POLDIP3: variants seen among roughly 807,000 people sequenced by gnomAD.
POLDIP3 encodes the protein polymerase delta-interacting protein 3.
In POLDIP3, 14 loss-of-function variants were observed where a neutral mutation model predicts 45.1. That is an observed-to-expected ratio of 0.31 (90% CI 0.20 to 0.49). The LOEUF (loss-of-function observed/expected upper bound fraction) is 0.49, where lower values mean the gene tolerates loss of function less well. Among genes scored for constraint, POLDIP3 ranks in the 20% least tolerant of loss-of-function variants. The probability of loss-of-function intolerance (pLI) is 0.99; values close to 1 mark genes in which losing one functional copy is unlikely to be tolerated. For synonymous variants in POLDIP3, 223 were observed against 205.2 expected, an observed-to-expected ratio of 1.09 and a Z score of -0.74; for missense variants, 511 against 538.8, an observed-to-expected ratio of 0.95 and a Z score of 0.51.
intron 6 of POLDIP3, among the ~76,000 whole-genome samples, chr22:42,593,914 A>C (rs536686978): frequency 1.7e-3 from 256 of 152,348 alleles, no homozygotes; most frequent in African/African-American, 6.0e-3. Context: ...TCCCTGCTAA[A>C]GGAGAAGGAG....
chr22:42,586,176 CT>C (rs1925298665), intron 8 of POLDIP3, among the ~76,000 whole-genome samples: 1 of 152,162 alleles, frequency 6.6e-6, no homozygotes, highest in African/African-American at 2.4e-5. Context: ...CTGCCACAGC[CT>C]CCTAAGGAGC....
chr22:42,587,246 C>G (rs1925367586), intron 8 of POLDIP3, among the ~76,000 whole-genome samples: 1 of 152,198 alleles, frequency 6.6e-6, no homozygotes, highest in African/African-American at 2.4e-5. Context: ...GCCTCCCCCT[C>G]CAACTTCCAC....
intron 1 of POLDIP3, among the ~76,000 whole-genome samples, chr22:42,614,474 C>T (rs1927338800): frequency 1.3e-5 from 2 of 152,334 alleles, no homozygotes; most frequent in South Asian, 2.1e-4. Flanking sequence ...CCAGTCCACA[C>T]AGGCAAGGAG....
At chr22:42,589,033 G>A (rs1381085443) in intron 7 of POLDIP3, among the ~76,000 whole-genome samples, 1 of 152,116 alleles carries the variant, frequency 6.6e-6, no homozygotes, top group Non-Finnish European at 1.5e-5. Context: ...TTGAAGCCAG[G>A]AGTTTGACAG....
chr22:42,585,811 C>A lies in POLDIP3; in HGVS notation c.1246G>T (p.Glu416Ter). Residue 416 changes from glutamate to a stop codon, truncating the protein, a stop_gained, in exon 9 of 9, where the codon GAA (glutamate) becomes TAA (stop). Transcript: ENST00000252115. LOFTEE classifies it high-confidence loss of function. ...SGASVTTQPT[E>*]FKIKL ...CCTGCTCAAAGCTTGATTTTGAATT[C>A]TGTGGGCTGCGTGGTCACAGAGGCC... 6.2e-7 allele frequency: 1 copy of A among 1,612,290 alleles called. No homozygotes were observed. The highest frequency in any genetic ancestry group is 2.1e-4 in the Middle Eastern group (1 of 4,864).
In POLDIP3 at chr22:42,592,017, A is replaced by G. The variant is rs1246433012; in HGVS notation, c.959T>C (p.Val320Ala). 6.2e-7 allele frequency: 1 copy of G among 1,614,072 alleles called. No individual in the cohort carries two copies. Among genetic ancestry groups the G allele is most frequent in the East Asian group, 2.2e-5 (1 of 44,876 alleles). Residue 320 changes from valine (V) to alanine (A), a missense_variant, in exon 7 of 9, where the codon GTG becomes GCG. Around this residue, in one of 4 missense-constraint regions of POLDIP3, gnomAD observed 66 missense variants for 118.1 expected, o/e 0.56. Transcript: ENST00000252115. ...RLVHPGVAEVVFVKKDDAITA... is the reference protein window; with the variant it reads ...RLVHPGVAEVAFVKKDDAITA... ...GATGGCATCGTCCTTTTTCACAAACACCACCTCCGCTACCCCAGGATGGAC... is the reference window on the plus strand; with the variant it reads ...GATGGCATCGTCCTTTTTCACAAACGCCACCTCCGCTACCCCAGGATGGAC...
At chr22:42,587,667 C>T in intron 7 of POLDIP3, 95 bp from the exon 8 acceptor site, 1 of 1,190,392 alleles carries the variant, frequency 8.4e-7, no homozygotes, top group South Asian at 1.2e-5. Flanking sequence ...ATGGTCAAAG[C>T]ACCCACCACT....
chr22:42,586,248 G>A (rs1272284542), intron 8 of POLDIP3, among the ~76,000 whole-genome samples: 1 of 152,002 alleles, frequency 6.6e-6, no homozygotes, highest in Non-Finnish European at 1.5e-5. Context: ...GTAGAGACCA[G>A]GTCTTGCTAT....
At chr22:42,606,591 C>T (rs569752513) in intron 1 of POLDIP3, among the ~76,000 whole-genome samples, 1 of 152,270 alleles carries the variant, frequency 6.6e-6, no homozygotes, top group South Asian at 2.1e-4. Flanking sequence ...ATACTGTCCT[C>T]CAGGCTGGAC....
In POLDIP3 at chr22:42,607,502, G is replaced by A. The variant is rs574253733; in HGVS notation, c.60-4342C>T. Reference sequence around the variant, plus strand: ...GCCTGCCTTGGCCTCCCAAAGTGCCGAGATTGCAGCCTCTGCCCGGCTGCC... The same window carrying A: ...GCCTGCCTTGGCCTCCCAAAGTGCCAAGATTGCAGCCTCTGCCCGGCTGCC... On this transcript the variant is annotated intron_variant, in intron 1 of 8. Transcript: ENST00000252115. Among the ~76,000 whole-genome samples, 282 of 152,318 alleles carry A rather than the reference G, an allele frequency of 1.9e-3. 3 individuals are homozygous for A. The highest frequency in any genetic ancestry group is 6.5e-3 in the African/African-American group (272 of 41,580).
In POLDIP3 at chr22:42,584,079, C is replaced by T. The variant is rs933321620; in HGVS notation, c.*1712G>A. The T allele has an allele frequency of 1.7e-4, 26 of 152,590 alleles. No homozygotes were observed. Among genetic ancestry groups the T allele is most frequent in the African/African-American group, 6.0e-4 (25 of 41,452 alleles). 9.5% of individuals were successfully genotyped at this position (152,590 alleles called of 1,614,324 possible). A position where few individuals can be genotyped will look rare whatever the true frequency, so the allele number is the denominator to read the frequency against. On this transcript the variant is annotated 3_prime_UTR_variant, in exon 9 of 9. Transcript: ENST00000252115. ...CATGCAGGGAGGATATTTACCATCC[C>T]TACCCTAAGCACAGTGCAAGCAGTG... is the stretch of plus-strand genomic sequence containing the variant.
Position 42,603,129 on chromosome 22 carries a change from G to A in POLDIP3, c.91C>T (p.Arg31Ter). 6.2e-7 allele frequency: 1 copy of A among 1,614,020 alleles called. No homozygotes were observed. Among genetic ancestry groups the A allele is most frequent in the Non-Finnish European group, 8.5e-7 (1 of 1,179,978 alleles). ...LNARPGVGGVRSRVGIQQGLL... is the reference protein window; with the variant it reads ...LNARPGVGGV ...CCTTGCTGGATCCCAACTCGAGATC[G>A]GACACCTCCAACTCCCGGTCTGGCA... The change falls in exon 2 of 9, where the codon CGA becomes TGA. Residue 31 changes from arginine (R) to a stop codon, truncating the protein, a stop_gained. Transcript: ENST00000252115. LOFTEE classifies it high-confidence loss of function.
At chr22:42,605,701 AG>A in intron 1 of POLDIP3, among the ~76,000 whole-genome samples, 1 of 152,100 alleles carries the variant, frequency 6.6e-6, no homozygotes, top group East Asian at 1.9e-4. Context: ...GGGAGTGTTC[AG>A]GGGGTCGGCA....
At chr22:42,606,186 T>C (rs1433493180) in intron 1 of POLDIP3, among the ~76,000 whole-genome samples, 1 of 150,776 alleles carries the variant, frequency 6.6e-6, no homozygotes, top group Non-Finnish European at 1.5e-5. Flanking sequence ...TGAGTATTAC[T>C]CACTACAGGT....
At position 42,603,078 on chromosome 22, in the gene POLDIP3, C is replaced by T. The variant is rs764712591; in HGVS notation, c.142G>A (p.Ala48Thr). Reference sequence around the variant, plus strand: ...GCATCAAATCTCTGCTGGAAGGTGGCTGTGCGTGTTGACTGGCTGAGAAGG... The same window carrying T: ...GCATCAAATCTCTGCTGGAAGGTGGTTGTGCGTGTTGACTGGCTGAGAAGG... ...QGLLSQSTRT[A>T]TFQQRFDARQ... The change falls in exon 2 of 9, where the codon GCC becomes ACC. Residue 48 changes from alanine (A) to threonine (T), a missense_variant. Physicochemically the swap from Ala to Thr is moderately conservative, Grantham distance 58. Transcript: ENST00000252115. 6.8e-6 allele frequency: 11 copies of T among 1,614,176 alleles called. No individual in the cohort carries two copies. In the South Asian group the frequency reaches 1.1e-4, roughly 16 times the overall value.
intron 3 of POLDIP3, among the ~76,000 whole-genome samples, chr22:42,601,527 C>G (rs1199810577): frequency 6.6e-6 from 1 of 152,132 alleles, no homozygotes; most frequent in Non-Finnish European, 1.5e-5. Flanking sequence ...CTTTGGGAGG[C>G]TGAGGCGGGG....
chr22:42,587,590 G>C lies in POLDIP3; in HGVS notation c.1022-18C>G, dbSNP rs1236818766. 1 of 1,608,984 alleles carries C rather than the reference G, an allele frequency of 6.2e-7. No individual in the cohort carries two copies. Among genetic ancestry groups the C allele is most frequent in the Non-Finnish European group, 8.5e-7 (1 of 1,175,492 alleles). On this transcript the variant is annotated intron_variant, in intron 7 of 8. Transcript: ENST00000252115. Reference sequence around the variant, plus strand: ...CGGCTGCCCTGAAAAACCAAAGAAAGAAAAAGGCTCTGCTATGAGACCTCG... The same window carrying C: ...CGGCTGCCCTGAAAAACCAAAGAAACAAAAAGGCTCTGCTATGAGACCTCG...
At chr22:42,605,952 GC>G (rs1169794313) in intron 1 of POLDIP3, among the ~76,000 whole-genome samples, 1 of 152,046 alleles carries the variant, frequency 6.6e-6, no homozygotes, top group Non-Finnish European at 1.5e-5. Context: ...GACCTGCCTG[GC>G]CAACATGGTG....
rs571683486 is a variant in POLDIP3 at position 42,584,320 on chromosome 22, A to G, written c.*1471T>C. ...TTCCTTGGACTTTCCCGTCCTGGGC[A>G]GCCTCAGAGCCTGCACACTGAAGCT... On this transcript the variant is annotated 3_prime_UTR_variant, in exon 9 of 9. Transcript: ENST00000252115. 6.4e-6 allele frequency: 1 copy of G among 156,306 alleles called. No homozygotes were observed. The highest frequency in any genetic ancestry group is 1.9e-4 in the East Asian group (1 of 5,196). The allele number at this position is 156,306 out of a possible 1,614,324, so 9.7% of individuals were successfully genotyped here. A position where few individuals can be genotyped will look rare whatever the true frequency, so the allele number is the denominator to read the frequency against.
Sources: allele counts gnomAD v4.1 joint callset (sites outside exome capture counted in the v4.1 genomes callset), GRCh38; gene constraint gnomAD v4.1.1; regional missense constraint gnomAD v4.1.1; transcripts MANE v1.5; gene names NCBI Gene and HGNC (gene_info 2026-07-23, HGNC 2026-07-21).